Variants in ZNF385D observed in about 807,000 individuals in gnomAD.
ZNF385D encodes zinc finger protein 659.
In ZNF385D, 15 loss-of-function variants were observed where a neutral mutation model predicts 35.8. The ratio of observed to expected loss-of-function variants is 0.42; its 90% CI spans 0.28 to 0.64. The LOEUF is 0.64. Among genes scored for constraint, ZNF385D ranks in the 30% least tolerant of loss-of-function variants. The pLI is 0.23. For synonymous variants in ZNF385D, 212 were observed against 186.8 expected (o/e 1.13, Z -1.10); for missense variants, 474 against 494.6 (o/e 0.96, Z 0.39).
At chr3:21,692,903 G>C (rs969174185) in intron 1 of ZNF385D, among the ~76,000 whole-genome samples, 1 of 152,122 alleles carries the variant, frequency 6.6e-6, no homozygotes, top group African/African-American at 2.4e-5. Context: ...TCATTATCCA[G>C]ACATCTGTCA....
At chr3:22,242,969 G>A (rs754129866) in intron 2 of ZNF385D, among the ~76,000 whole-genome samples, 33 of 150,780 alleles carry the variant, frequency 2.2e-4, no homozygotes, top group Non-Finnish European at 2.8e-4. Flanking sequence ...TAATGACCTC[G>A]AATTAGGCAT....
At chr3:21,980,715 C>A (rs1159708273) in intron 3 of ZNF385D, among the ~76,000 whole-genome samples, 1 of 152,172 alleles carries the variant, frequency 6.6e-6, no homozygotes, top group Non-Finnish European at 1.5e-5. Context: ...TATCCCTCCT[C>A]TTTCTTCCAA....
intron 1 of ZNF385D, among the ~76,000 whole-genome samples, chr3:21,710,513 T>G (rs1285061851): frequency 6.6e-6 from 1 of 152,186 alleles, no homozygotes; most frequent in Non-Finnish European, 1.5e-5. Flanking sequence ...CTGAGAATCA[T>G]TCGATGCCAC....
intron 2 of ZNF385D, among the ~76,000 whole-genome samples, chr3:22,194,095 C>T (rs1264979729): frequency 2.0e-5 from 3 of 151,860 alleles, no homozygotes; most frequent in African/African-American, 4.8e-5. Context: ...GAACTTTACA[C>T]ATGCATGAAT....
rs1159850406 is a variant in ZNF385D, at chr3:21,423,995, T to C, written c.922A>G (p.Asn308Asp). The C allele has an allele frequency of 2.5e-6, 4 of 1,610,020 alleles. No individual in the cohort carries two copies. The highest frequency in any genetic ancestry group is 1.1e-5 in the South Asian group (1 of 90,430). Residue 308 changes from asparagine to aspartate, a missense_variant, in exon 7 of 8, where the codon AAC becomes GAC. Asn to Asp is a conservative substitution (Grantham distance 23). Coordinates refer to ENST00000281523, the MANE Select transcript of ZNF385D (RefSeq NM_024697.3). ...KPPKPKYSPY[N>D]KLQKTAHPLG... ...GGATGTGCTGTCTTCTGTAGTTTGT[T>C]GTAAGGACTGTATTTAGGTTTCGGG... is the stretch of plus-strand genomic sequence containing the variant.
chr3:22,196,288 T>C (rs1183061486), intron 2 of ZNF385D, among the ~76,000 whole-genome samples: 1 of 152,118 alleles, frequency 6.6e-6, no homozygotes, highest in Non-Finnish European at 1.5e-5. Flanking sequence ...ACCGACTTTG[T>C]TTTGTTCAGC....
chr3:21,528,666 T>C (rs1053699172), intron 3 of ZNF385D, among the ~76,000 whole-genome samples: 4 of 152,236 alleles, frequency 2.6e-5, no homozygotes, highest in Admixed American at 2.6e-4. Flanking sequence ...GGATATTACA[T>C]GAGCAAAACT....
chr3:21,727,049 T>C (rs1405860621), intron 1 of ZNF385D, among the ~76,000 whole-genome samples: 3 of 151,984 alleles, frequency 2.0e-5, no homozygotes. Context: ...TTTGACAAAC[T>C]TGACACAAAG....
At chr3:21,617,174 G>C (rs898461609) in intron 2 of ZNF385D, among the ~76,000 whole-genome samples, 5 of 152,092 alleles carry the variant, frequency 3.3e-5, no homozygotes. Flanking sequence ...GCCACTAAAG[G>C]TACAAAATTT....
rs1037774043 is a variant in ZNF385D at position 22,315,293 on chromosome 3, T to C, written c.106+57157A>G. ...GTTTGGGAAACAATGACTTGTTTTA[T>C]AGATATTTTAATTGCCCTTTGGACC... On this transcript the variant is annotated intron_variant, in intron 2 of 5. Transcript: ENST00000494108. Among the ~76,000 whole-genome samples, 5 of 152,168 alleles carry C rather than the reference T, an allele frequency of 3.3e-5. No individual in the cohort carries two copies. In the East Asian group the frequency reaches 7.7e-4, roughly 23 times the overall value.
chr3:21,478,356 A>G (rs1414791376), intron 4 of ZNF385D, among the ~76,000 whole-genome samples: 1 of 152,106 alleles, frequency 6.6e-6, no homozygotes, highest in African/African-American at 2.4e-5. Context: ...AACTGACATT[A>G]GGCCTCACCA....
chr3:21,885,456 T>G (rs1462967907), intron 3 of ZNF385D, among the ~76,000 whole-genome samples: 2 of 152,000 alleles, frequency 1.3e-5, no homozygotes, highest in African/African-American at 4.8e-5. Context: ...CAAGTTTACG[T>G]AGATTTTATG....
chr3:22,079,515 A>T (rs1425521180), intron 3 of ZNF385D, among the ~76,000 whole-genome samples: 4 of 151,970 alleles, frequency 2.6e-5, no homozygotes, highest in Admixed American at 6.6e-5. Flanking sequence ...ATTAATGGTA[A>T]TTACCAATTA....
chr3:22,079,840 G>A (rs1380913886), intron 3 of ZNF385D, among the ~76,000 whole-genome samples: 1 of 151,908 alleles, frequency 6.6e-6, no homozygotes, highest in Non-Finnish European at 1.5e-5. Context: ...AATGCATACT[G>A]ATGACTCTGA....
intron 2 of ZNF385D, among the ~76,000 whole-genome samples, chr3:22,243,040 A>G (rs1450609751): frequency 6.6e-6 from 1 of 151,198 alleles, no homozygotes; most frequent in Non-Finnish European, 1.5e-5. Flanking sequence ...GATAAATTGG[A>G]CTACATAAAA....
chr3:22,048,755 A>C (rs1024597174), intron 3 of ZNF385D, among the ~76,000 whole-genome samples: 2 of 152,170 alleles, frequency 1.3e-5, no homozygotes, highest in Non-Finnish European at 2.9e-5. Flanking sequence ...AGTGAATTTT[A>C]GGATTGTTTT....
At chr3:21,853,054 T>A (rs978594461) in intron 3 of ZNF385D, among the ~76,000 whole-genome samples, 1 of 32,408 alleles carries the variant, frequency 3.1e-5, no homozygotes, top group South Asian at 1.2e-3. Context: ...AAGTTCTCCA[T>A]ACATTTCCAT....
chr3:21,984,311 A>C (rs1275866976), intron 3 of ZNF385D, among the ~76,000 whole-genome samples: 2 of 142,186 alleles, frequency 1.4e-5, no homozygotes, highest in Non-Finnish European at 1.5e-5. Context: ...CTAACGTTTA[A>C]ATCTTTAATC....
At chr3:21,982,079 G>GTT (rs59719489) in intron 3 of ZNF385D, among the ~76,000 whole-genome samples, 5,028 of 133,194 alleles carry the variant, frequency 0.038, 118 homozygotes, top group Middle Eastern at 0.086. Flanking sequence ...TTTTAAAATA[G>GTT]TTTTTTTTTT....
Sources: allele counts gnomAD v4.1 joint callset (sites outside exome capture counted in the v4.1 genomes callset), GRCh38; gene constraint gnomAD v4.1.1; transcripts MANE v1.5; gene names NCBI Gene and HGNC (gene_info 2026-07-23, HGNC 2026-07-21).